The following ARHGEF10 variants were observed in gnomAD, a reference collection of about 807,000 sequenced individuals.
ARHGEF10 encodes the protein Rho guanine nucleotide exchange factor (GEF) 10.
A neutral mutation model predicts 147.4 loss-of-function variants in ARHGEF10; 140 were observed. The observed-to-expected ratio is 0.95, with a 90% CI of 0.83 to 1.09. The LOEUF (loss-of-function observed/expected upper bound fraction) is 1.09, where lower values mean the gene tolerates loss of function less well. ARHGEF10 is among the 50% of genes least tolerant of loss of function. The probability of loss-of-function intolerance (pLI) is 0.00; values close to 1 mark genes in which losing one functional copy is unlikely to be tolerated. For synonymous variants in ARHGEF10, 902 were observed against 695.8 expected, an observed-to-expected ratio of 1.30 and a Z score of -4.67; for missense variants, 2,222 against 1,752.7, an observed-to-expected ratio of 1.27 and a Z score of -4.78.
chr8:1,826,029 C>T (rs1563140279), intron 1 of ARHGEF10: 7 of 1,268,742 alleles, frequency 5.5e-6, no homozygotes, highest in African/African-American at 2.9e-5. Context: ...ACACTTTGTC[C>T]CTGTCTGTCT....
At position 1,856,011 on chromosome 8, in the gene ARHGEF10, A is replaced by G. The variant is rs149719439; in HGVS notation, c.38-1949A>G. ...GAAAGTACATAGTTAACAAGGCTCA[A>G]ACTCTGGAAATTAGCGGTTCTGTCC... On this transcript the variant is annotated intron_variant, in intron 2 of 28. Transcript: ENST00000349830. 2.6e-3 allele frequency among the ~76,000 whole-genome samples: 392 copies of G among 152,200 alleles called. 3 individuals are homozygous for G. Among genetic ancestry groups the G allele is most frequent in the Admixed American group, 0.024 (362 of 15,290 alleles).
At chr8:1,929,794 C>T (rs900869360) in intron 25 of ARHGEF10, among the ~76,000 whole-genome samples, 2 of 152,202 alleles carry the variant, frequency 1.3e-5, no homozygotes, top group African/African-American at 2.4e-5. Flanking sequence ...GGCGGGGCCT[C>T]CTGTACCTGG....
intron 15 of ARHGEF10, among the ~76,000 whole-genome samples, chr8:1,900,010 A>C (rs1312584323): frequency 5.3e-5 from 8 of 152,252 alleles, no homozygotes; most frequent in Admixed American, 3.3e-4. Flanking sequence ...CTTGGTCGCC[A>C]GGGACGACAG....
At chr8:1,914,962 G>A (rs970971536) in intron 18 of ARHGEF10, among the ~76,000 whole-genome samples, 4 of 152,176 alleles carry the variant, frequency 2.6e-5, no homozygotes, top group Non-Finnish European at 4.4e-5. Flanking sequence ...CACTGAGGTC[G>A]GCGTGCCTGT....
At chr8:1,894,280 T>A (rs1809788086) in intron 12 of ARHGEF10, 113 bp from the exon 13 acceptor site, 1 of 1,098,972 alleles carries the variant, frequency 9.1e-7, no homozygotes, top group Non-Finnish European at 1.3e-6. Flanking sequence ...AGCCCAGGAG[T>A]TTGAGGCTGC....
In ARHGEF10 at chr8:1,909,430, C is replaced by T. The variant is rs2294040; in HGVS notation, c.2103C>T (p.His701=). 36 of 1,614,128 alleles carry T rather than the reference C, an allele frequency of 2.2e-5. No individual in the cohort carries two copies. In the East Asian group the frequency reaches 7.8e-4, roughly 35 times the overall value. ...AGCACAGCAGGCACCTTGCCGTTCA[C>T]CCGCCGGAGAGCCTGGCCGTGGTTG... ...TGEHSRHLAV[H]PPESLAVVAN... is the part of the protein sequence containing the mutation. Residue 701 remains histidine, a synonymous_variant, in exon 18 of 29, where the codon CAC becomes CAT. Coordinates refer to ENST00000349830, the MANE Select transcript of ARHGEF10 (RefSeq NM_014629.4).
chr8:1,837,013 T>C (rs890416820), intron 1 of ARHGEF10, among the ~76,000 whole-genome samples: 5 of 152,224 alleles, frequency 3.3e-5, no homozygotes, highest in African/African-American at 7.2e-5. Context: ...AAAGCTCTTT[T>C]TGTTTCCAGT....
chr8:1,870,734 G>A (rs1180133508), intron 7 of ARHGEF10: 1 of 152,110 alleles, frequency 6.6e-6, no homozygotes. Flanking sequence ...AATATAACAA[G>A]GCTTAATCAG....
intron 27 of ARHGEF10, among the ~76,000 whole-genome samples, chr8:1,950,939 G>A (rs1814993200): frequency 6.6e-6 from 1 of 152,022 alleles, no homozygotes; most frequent in African/African-American, 2.4e-5. Flanking sequence ...CAGAAGCCGG[G>A]CCATCGTTTC....
At chr8:1,946,136 C>A (rs1043322438) in intron 27 of ARHGEF10, among the ~76,000 whole-genome samples, 4 of 152,064 alleles carry the variant, frequency 2.6e-5, no homozygotes, top group African/African-American at 9.7e-5. Flanking sequence ...GGGGAGAAGG[C>A]CATTACACAT....
chr8:1,947,083 A>G (rs1248558445), intron 27 of ARHGEF10, among the ~76,000 whole-genome samples: 5 of 152,228 alleles, frequency 3.3e-5, no homozygotes, highest in African/African-American at 1.2e-4. Flanking sequence ...TCTTTGGAGC[A>G]CTCACTGCTA....
intron 3 of ARHGEF10, chr8:1,858,928 A>C (rs1368556388): frequency 5.7e-6 from 1 of 175,220 alleles, no homozygotes; most frequent in African/African-American, 2.4e-5. Context: ...TGTGCATAGC[A>C]CCCACCTCTT....
At chr8:1,866,908 T>C (rs1214812302) in intron 6 of ARHGEF10, among the ~76,000 whole-genome samples, 1 of 152,082 alleles carries the variant, frequency 6.6e-6, no homozygotes, top group African/African-American at 2.4e-5. Context: ...AACTCTGACC[T>C]GCAGCCATGG....
At chr8:1,844,621 C>G (rs989499321) in intron 2 of ARHGEF10, among the ~76,000 whole-genome samples, 5 of 152,148 alleles carry the variant, frequency 3.3e-5, no homozygotes, top group Non-Finnish European at 7.3e-5. Flanking sequence ...GGACCCGGTA[C>G]CGGAAACCCG....
chr8:1,947,230 G>C (rs1280859316), intron 27 of ARHGEF10, among the ~76,000 whole-genome samples: 1 of 152,212 alleles, frequency 6.6e-6, no homozygotes, highest in Non-Finnish European at 1.5e-5. Context: ...GAGGTGAGGA[G>C]GGTGTTATGA....
chr8:1,825,510 C>T (rs1358382940), intron 1 of ARHGEF10, among the ~76,000 whole-genome samples: 1 of 148,654 alleles, frequency 6.7e-6, no homozygotes, highest in African/African-American at 2.5e-5. Flanking sequence ...CCCCGTACTC[C>T]ACCTGTTCCC....
rs1815756768 is a variant in ARHGEF10 at position 1,958,572 on chromosome 8, C to T, written c.*1309C>T. 6.6e-6 allele frequency: 1 copy of T among 152,178 alleles called. No homozygotes were observed. Among genetic ancestry groups the T allele is most frequent in the Non-Finnish European group, 1.5e-5 (1 of 68,030 alleles). The allele number at this position is 152,178 out of a possible 1,614,324, so 9.4% of individuals were successfully genotyped here. A position where few individuals can be genotyped will look rare whatever the true frequency, so the allele number is the denominator to read the frequency against. On this transcript the variant is annotated 3_prime_UTR_variant, in exon 29 of 29. Coordinates refer to ENST00000349830, the MANE Select transcript of ARHGEF10 (RefSeq NM_014629.4). ...TATATCCCCCATGTGAAAGTGATTT[C>T]TTCCCAAGCTTCTCAAACTGTTAGC...
intron 7 of ARHGEF10, chr8:1,869,752 G>GA (rs1265428055): frequency 9.3e-6 from 2 of 214,866 alleles, no homozygotes; most frequent in Non-Finnish European, 1.9e-5. Flanking sequence ...GGCCCAGGGT[G>GA]AATCTCCCGA....
intron 1 of ARHGEF10, among the ~76,000 whole-genome samples, chr8:1,832,847 CAGAGAG>C (rs1803270984): frequency 1.1e-5 from 1 of 89,164 alleles, no homozygotes; most frequent in Non-Finnish European, 2.2e-5. Flanking sequence ...GAGACAGAGG[CAGAGAG>C]AGACAGAGGC....
Sources: allele counts gnomAD v4.1 joint callset (sites outside exome capture counted in the v4.1 genomes callset), GRCh38; gene constraint gnomAD v4.1.1; transcripts MANE v1.5; gene names NCBI Gene and HGNC (gene_info 2026-07-23, HGNC 2026-07-21).